Variants in SLC24A3 observed in about 807,000 individuals in gnomAD.
The protein encoded by SLC24A3 is sodium/potassium/calcium exchanger 3.
SLC24A3 carries 28 observed loss-of-function variants against 75.8 expected under a neutral mutation model. That is an observed-to-expected ratio of 0.37 (90% CI 0.27 to 0.51). The LOEUF is 0.51. Among genes scored for constraint, SLC24A3 ranks in the 20% least tolerant of loss-of-function variants. The pLI is 0.94. For missense variants in SLC24A3, 663 were observed against 847.8 expected, an observed-to-expected ratio of 0.78 and a Z score of 2.71; for synonymous variants, 372 against 334.1, an observed-to-expected ratio of 1.11 and a Z score of -1.24.
At chr20:19,561,489 C>G (rs186675937) in intron 3 of SLC24A3, among the ~76,000 whole-genome samples, 10 of 152,134 alleles carry the variant, frequency 6.6e-5, no homozygotes, top group Non-Finnish European at 1.2e-4. Flanking sequence ...CACACCACTC[C>G]TATGTGTCTG....
chr20:19,497,241 A>G (rs2036736778), intron 2 of SLC24A3, among the ~76,000 whole-genome samples: 1 of 152,316 alleles, frequency 6.6e-6, no homozygotes, highest in South Asian at 2.1e-4. Flanking sequence ...ACAAGTAGAC[A>G]TTTCCGGCAC....
intron 1 of SLC24A3, among the ~76,000 whole-genome samples, chr20:19,279,765 T>G (rs1983604049): frequency 6.6e-6 from 1 of 152,108 alleles, no homozygotes; most frequent in Admixed American, 6.6e-5. Flanking sequence ...GTTCCTCCAC[T>G]CACATTTGCA....
chr20:19,540,276 T>G (rs368495395), intron 3 of SLC24A3, among the ~76,000 whole-genome samples: 7 of 152,254 alleles, frequency 4.6e-5, no homozygotes, highest in African/African-American at 1.4e-4. Context: ...CAGCATCTCC[T>G]TGACTCCAGA....
chr20:19,535,213 A>G (rs745846659), intron 3 of SLC24A3, among the ~76,000 whole-genome samples: 19 of 152,244 alleles, frequency 1.2e-4, no homozygotes, highest in Non-Finnish European at 2.2e-4. Flanking sequence ...ATGATGCTAC[A>G]TTTTGGTAGC....
In SLC24A3 at chr20:19,261,089, A is replaced by G. The variant is rs73605514; in HGVS notation, c.143-19870A>G. On this transcript the variant is annotated intron_variant, in intron 1 of 16. Coordinates refer to ENST00000328041, the MANE Select transcript of SLC24A3 (RefSeq NM_020689.4). ...CAAGCTGCCTTGCAAATCAGACACC[A>G]CCTTTCACAGTGCCTTTTCTGGCTT... Among the ~76,000 whole-genome samples, 371 of 152,118 alleles carry G rather than the reference A, an allele frequency of 2.4e-3. 11 individuals are homozygous for G. The East Asian group carries it at 0.054, about 22-fold the overall frequency.
chr20:19,329,228 ATTT>A (rs541637003), intron 2 of SLC24A3, among the ~76,000 whole-genome samples: 1 of 150,450 alleles, frequency 6.6e-6, no homozygotes. Context: ...TGGGAATAAG[ATTT>A]TTTTTTTACT....
At chr20:19,431,007 C>T (rs1311865005) in intron 2 of SLC24A3, among the ~76,000 whole-genome samples, 2 of 152,130 alleles carry the variant, frequency 1.3e-5, no homozygotes, top group Non-Finnish European at 2.9e-5. Flanking sequence ...GACCCCAGCA[C>T]AGACAGGTAT....
intron 6 of SLC24A3, among the ~76,000 whole-genome samples, chr20:19,600,676 A>G (rs1306763042): frequency 6.6e-6 from 1 of 152,190 alleles, no homozygotes; most frequent in Non-Finnish European, 1.5e-5. Context: ...AAAATATTTT[A>G]GAAATGAGTT....
chr20:19,644,865 T>G (rs2032116859), intron 6 of SLC24A3, among the ~76,000 whole-genome samples: 1 of 152,010 alleles, frequency 6.6e-6, no homozygotes, highest in Non-Finnish European at 1.5e-5. Flanking sequence ...AAAACTAGAT[T>G]AGGGAGTGGG....
chr20:19,494,055 A>T (rs115056274), intron 2 of SLC24A3, among the ~76,000 whole-genome samples: 312 of 152,268 alleles, frequency 2.0e-3, no homozygotes, highest in African/African-American at 6.3e-3. Flanking sequence ...ATAGATCTGC[A>T]TGGAGGGGGA....
chr20:19,399,747 A>C (rs1986517297), intron 2 of SLC24A3, among the ~76,000 whole-genome samples: 1 of 152,190 alleles, frequency 6.6e-6, no homozygotes, highest in Admixed American at 6.5e-5. Context: ...GTGTTTTGTA[A>C]CTGTCAATTT....
intron 2 of SLC24A3, among the ~76,000 whole-genome samples, chr20:19,461,520 C>CTTTTTTTT (rs1292561021): frequency 7.7e-6 from 1 of 129,370 alleles, no homozygotes; most frequent in Non-Finnish European, 1.6e-5. Context: ...CTTTTCTTTT[C>CTTTTTTTT]TTTTTTTTCT....
chr20:19,577,100 G>A (rs992329119), intron 3 of SLC24A3, among the ~76,000 whole-genome samples: 13 of 151,898 alleles, frequency 8.6e-5, no homozygotes, highest in African/African-American at 3.1e-4. Flanking sequence ...TGTCGCCGAG[G>A]CTGGAGTGCA....
At chr20:19,575,272 A>G (rs1020723065) in intron 3 of SLC24A3, among the ~76,000 whole-genome samples, 3 of 146,686 alleles carry the variant, frequency 2.0e-5, no homozygotes, top group African/African-American at 7.7e-5. Flanking sequence ...AAAAAAAAAA[A>G]AAAAAGGCAA....
chr20:19,259,285 C>T (rs1002493108), intron 1 of SLC24A3, among the ~76,000 whole-genome samples: 1 of 152,198 alleles, frequency 6.6e-6, no homozygotes, highest in African/African-American at 2.4e-5. Flanking sequence ...ACAGATGTCT[C>T]AGGAGCAAAG....
At chr20:19,265,205 G>A (rs1034874318) in intron 1 of SLC24A3, among the ~76,000 whole-genome samples, 1 of 152,216 alleles carries the variant, frequency 6.6e-6, no homozygotes, top group African/African-American at 2.4e-5. Context: ...ATTTTGGGGG[G>A]CTAGGTGTCA....
At chr20:19,219,678 T>G (rs753856654) in intron 1 of SLC24A3, among the ~76,000 whole-genome samples, 2 of 152,110 alleles carry the variant, frequency 1.3e-5, no homozygotes, top group Non-Finnish European at 2.9e-5. Flanking sequence ...AGACAGGCAA[T>G]TTACAAGAAA....
chr20:19,258,052 C>T (rs1239298869), intron 1 of SLC24A3, among the ~76,000 whole-genome samples: 1 of 152,254 alleles, frequency 6.6e-6, no homozygotes, highest in African/African-American at 2.4e-5. Flanking sequence ...CTTTATCAAC[C>T]TCTGTTTTCT....
chr20:19,372,250 A>T (rs566707626), intron 2 of SLC24A3, among the ~76,000 whole-genome samples: 153 of 152,314 alleles, frequency 1.0e-3, no homozygotes, highest in African/African-American at 3.5e-3. Context: ...TTTGTTTGGA[A>T]TCTTCTAACT....
Sources: allele counts gnomAD v4.1 joint callset (sites outside exome capture counted in the v4.1 genomes callset), GRCh38; gene constraint gnomAD v4.1.1; transcripts MANE v1.5; gene names NCBI Gene and HGNC (gene_info 2026-07-23, HGNC 2026-07-21).